The following PPFIBP2 variants were observed in gnomAD, a reference collection of about 807,000 sequenced individuals.
PPFIBP2 encodes the protein PPFIB scaffold protein 2, also known as liprin-beta-2.
In PPFIBP2, 118 loss-of-function variants were observed where a neutral mutation model predicts 118.3. The observed-to-expected ratio is 1.00, with a 90% CI of 0.86 to 1.16. PPFIBP2 has a LOEUF of 1.16. PPFIBP2 is among the 50% of genes most tolerant of loss of function. PPFIBP2 has a pLI of 0.00. For synonymous variants in PPFIBP2, 414 were observed against 397.4 expected (o/e 1.04, Z -0.50); for missense variants, 1,195 against 1,073.1 (o/e 1.11, Z -1.59).
intron 3 of PPFIBP2, among the ~76,000 whole-genome samples, chr11:7,588,851 G>A (rs374295083): frequency 3.9e-5 from 6 of 152,140 alleles, no homozygotes; most frequent in South Asian, 4.1e-4. Flanking sequence ...ATTCAGTTCC[G>A]TGATATAGGA....
chr11:7,538,893 G>A (rs1851491696), intron 1 of PPFIBP2, among the ~76,000 whole-genome samples: 3 of 152,100 alleles, frequency 2.0e-5, no homozygotes, highest in Admixed American at 6.5e-5. Context: ...GAGCTTAACT[G>A]ACTAATCAGA....
At chr11:7,612,049 CAA>C (rs1461521508) in intron 6 of PPFIBP2, among the ~76,000 whole-genome samples, 2 of 152,170 alleles carry the variant, frequency 1.3e-5, no homozygotes, top group African/African-American at 4.8e-5. Flanking sequence ...ACACTCAACT[CAA>C]AGTCACTTAA....
intron 2 of PPFIBP2, among the ~76,000 whole-genome samples, chr11:7,559,151 TA>T (rs1854005308): frequency 6.6e-6 from 1 of 152,154 alleles, no homozygotes; most frequent in Non-Finnish European, 1.5e-5. Context: ...ATGAAATAAA[TA>T]GAATTCCCCA....
At chr11:7,590,552 A>G (rs1019899558) in intron 3 of PPFIBP2, among the ~76,000 whole-genome samples, 1 of 152,284 alleles carries the variant, frequency 6.6e-6, no homozygotes, top group Middle Eastern at 3.4e-3. Context: ...ATGAGGAACC[A>G]CTGTTCTAGG....
intron 21 of PPFIBP2, 22 bp from the exon 22 acceptor site, chr11:7,650,818 A>C: frequency 6.2e-7 from 1 of 1,611,148 alleles, no homozygotes. Context: ...TAACTTCCTC[A>C]CTCTCCTTCT....
At chr11:7,587,449 G>A (rs1013424057) in intron 3 of PPFIBP2, among the ~76,000 whole-genome samples, 9 of 152,224 alleles carry the variant, frequency 5.9e-5, no homozygotes, top group South Asian at 2.1e-4. Context: ...ATTTTAGTCA[G>A]TTGATCACCT....
chr11:7,565,183 T>A (rs1351878372), intron 2 of PPFIBP2, among the ~76,000 whole-genome samples: 1 of 152,182 alleles, frequency 6.6e-6, no homozygotes, highest in Non-Finnish European at 1.5e-5. Context: ...ATTTTTACAC[T>A]GTCCAGCCCG....
At chr11:7,551,606 A>G (rs2134555656) in intron 2 of PPFIBP2, among the ~76,000 whole-genome samples, 1 of 152,312 alleles carries the variant, frequency 6.6e-6, no homozygotes. Flanking sequence ...TATAAAATTT[A>G]GAGTCAGTTT....
intron 6 of PPFIBP2, chr11:7,617,206 G>A: frequency 1.0e-6 from 1 of 985,446 alleles, no homozygotes; most frequent in Non-Finnish European, 1.2e-6. Flanking sequence ...TTACTCAGTA[G>A]GGACCACCCT....
chr11:7,620,553 A>C (rs1360320706), intron 6 of PPFIBP2, among the ~76,000 whole-genome samples: 3 of 152,066 alleles, frequency 2.0e-5, no homozygotes, highest in Non-Finnish European at 4.4e-5. Context: ...CCTGCTTTCT[A>C]CTACTTTGCA....
intron 3 of PPFIBP2, among the ~76,000 whole-genome samples, chr11:7,571,417 T>C (rs1855634989): frequency 1.0e-5 from 1 of 100,486 alleles, no homozygotes; most frequent in African/African-American, 7.7e-5. Flanking sequence ...GCTAGAGGAG[T>C]TGCAAAAAAA....
chr11:7,665,799 C>G, the PPFIBP2 span: 789 of 1,501,714 alleles, frequency 5.3e-4, no homozygotes, highest in African/African-American at 8.4e-3. Context: ...TCAGCATTGA[C>G]GAGGAAGGAG....
At chr11:7,579,736 T>G (rs191655327) in intron 3 of PPFIBP2, among the ~76,000 whole-genome samples, 51 of 152,254 alleles carry the variant, frequency 3.3e-4, no homozygotes, top group African/African-American at 1.2e-3. Flanking sequence ...CTGTGGACAG[T>G]TGGAAGTTTG....
intron 8 of PPFIBP2, 83 bp from the exon 9 acceptor site, chr11:7,628,202 T>C: frequency 8.5e-7 from 1 of 1,183,282 alleles, no homozygotes; most frequent in Admixed American, 1.9e-5. Context: ...AAGTCTTCAT[T>C]TGAACTTGGG....
chr11:7,537,929 T>TCACCAAGA (rs1851373786), intron 1 of PPFIBP2, among the ~76,000 whole-genome samples: 1 of 151,744 alleles, frequency 6.6e-6, no homozygotes, highest in South Asian at 2.1e-4. Context: ...ATGGCCTTGG[T>TCACCAAGA]TGTGGCTGGT....
chr11:7,572,816 A>G (rs1407342935), intron 3 of PPFIBP2, among the ~76,000 whole-genome samples: 1 of 152,120 alleles, frequency 6.6e-6, no homozygotes, highest in South Asian at 2.1e-4. Context: ...TTTTACTCTT[A>G]TTGCCCAGGC....
chr11:7,662,678 A>G, the PPFIBP2 span, among the ~76,000 whole-genome samples: 8 of 146,464 alleles, frequency 5.5e-5, no homozygotes, highest in African/African-American at 2.0e-4. Context: ...GTATTTCCTG[A>G]ATCTGAACGT....
chr11:7,563,558 T>A, intron 2 of PPFIBP2, among the ~76,000 whole-genome samples: 1 of 151,878 alleles, frequency 6.6e-6, no homozygotes, highest in Non-Finnish European at 1.5e-5. Context: ...AAGGAGGAGG[T>A]TGGCTCTGAG....
chr11:7,657,092 C>G (rs77634155), downstream of PPFIBP2: 1,042 of 276,116 alleles, frequency 3.8e-3, 15 homozygotes, highest in African/African-American at 0.021. Flanking sequence ...TATCAGCACA[C>G]AGACTCGATG....
Sources: gnomAD v4.1 joint callset for allele counts (sites outside exome capture counted in the v4.1 genomes callset) on GRCh38, gnomAD v4.1.1 for gene constraint, MANE v1.5 for transcripts, NCBI Gene and HGNC (gene_info 2026-07-23, HGNC 2026-07-21) for gene names.